Variants in TENM2 observed in about 807,000 individuals in gnomAD.
The protein encoded by TENM2 is teneurin-2.
In TENM2, 52 loss-of-function variants were observed where a neutral mutation model predicts 245.2. The ratio of observed to expected loss-of-function variants is 0.21; its 90% CI spans 0.17 to 0.27. TENM2 has a LOEUF of 0.27. Among genes scored for constraint, TENM2 ranks in the 10% least tolerant of loss-of-function variants. The pLI, the probability that TENM2 is intolerant of heterozygous loss-of-function variation, is 1.00. For synonymous variants in TENM2, 1,363 were observed against 1,438.9 expected (o/e 0.95, Z 1.19); for missense variants, 3,046 against 3,666.8 (o/e 0.83, Z 4.37).
At chr5:168,216,486 G>A (rs1037012244) in intron 21 of TENM2, among the ~76,000 whole-genome samples, 8 of 152,094 alleles carry the variant, frequency 5.3e-5, no homozygotes, top group Non-Finnish European at 1.0e-4. Context: ...ATTCATTTGC[G>A]GCCTTGGTTC....
chr5:167,708,020 C>T (rs945126433), intron 2 of TENM2, among the ~76,000 whole-genome samples: 2 of 152,174 alleles, frequency 1.3e-5, no homozygotes, highest in South Asian at 2.1e-4. Context: ...GCAGGGCTTA[C>T]CTCTTGCCTT....
At chr5:167,182,755 C>A in the TENM2 span, among the ~76,000 whole-genome samples, 1 of 152,036 alleles carries the variant, frequency 6.6e-6, no homozygotes, top group African/African-American at 2.4e-5. Flanking sequence ...GTGGTGATAC[C>A]AGATCCCACT....
the TENM2 span, among the ~76,000 whole-genome samples, chr5:167,201,993 G>C: frequency 6.6e-6 from 1 of 152,134 alleles, no homozygotes; most frequent in Non-Finnish European, 1.5e-5. Context: ...TGACTTTAGG[G>C]AAGGTAGTTG....
exon 13 of TENM2, chr5:168,162,635 G>A: frequency 1.2e-6 from 2 of 1,613,980 alleles, no homozygotes; most frequent in Non-Finnish European, 1.7e-6. Flanking sequence ...TTGTGCAACG[G>A]TAACGGGAGA....
chr5:167,035,321 G>GCTATT, the TENM2 span, among the ~76,000 whole-genome samples: 1 of 152,240 alleles, frequency 6.6e-6, no homozygotes, highest in Admixed American at 6.5e-5. Context: ...GCTATTAGAT[G>GCTATT]AGTGATCCTC....
At chr5:168,005,378 A>G (rs927253551) in intron 5 of TENM2, among the ~76,000 whole-genome samples, 10 of 152,238 alleles carry the variant, frequency 6.6e-5, no homozygotes, top group Admixed American at 1.3e-4. Context: ...ACGAAAGCCA[A>G]GTCTGAACTC....
intron 2 of TENM2, among the ~76,000 whole-genome samples, chr5:167,431,822 T>C (rs988953933): frequency 6.6e-6 from 1 of 151,100 alleles, no homozygotes; most frequent in Non-Finnish European, 1.5e-5. Flanking sequence ...CTATGTCATA[T>C]GAATAAAATA....
chr5:167,796,422 C>T (rs1765322650), intron 2 of TENM2, among the ~76,000 whole-genome samples: 1 of 152,124 alleles, frequency 6.6e-6, no homozygotes, highest in Non-Finnish European at 1.5e-5. Context: ...CGCTGTGGGT[C>T]TTTGCACATA....
At chr5:167,350,322 C>T (rs1758746955) in intron 1 of TENM2, among the ~76,000 whole-genome samples, 1 of 151,570 alleles carries the variant, frequency 6.6e-6, no homozygotes, top group Non-Finnish European at 1.5e-5. Flanking sequence ...TATACCTTTC[C>T]TATAAAACAC....
intron 2 of TENM2, among the ~76,000 whole-genome samples, chr5:167,683,229 T>C (rs538202769): frequency 8.2e-4 from 124 of 150,434 alleles, no homozygotes; most frequent in Non-Finnish European, 1.4e-3. Flanking sequence ...CTAATATCTC[T>C]GTGACATGAA....
the TENM2 span, among the ~76,000 whole-genome samples, chr5:167,181,055 A>C: frequency 6.6e-6 from 1 of 151,826 alleles, no homozygotes; most frequent in Non-Finnish European, 1.5e-5. Flanking sequence ...TCTCAATCCT[A>C]GTGTTTCTTT....
At chr5:167,425,497 A>G (rs1763759238) in intron 2 of TENM2, among the ~76,000 whole-genome samples, 3 of 152,190 alleles carry the variant, frequency 2.0e-5, no homozygotes, top group Non-Finnish European at 2.9e-5. Context: ...TTCAATTTCT[A>G]AATTTTAATC....
At chr5:168,229,736 C>CCAT (rs1764665322) in intron 25 of TENM2, 1 of 152,206 alleles carries the variant, frequency 6.6e-6, no homozygotes, top group Non-Finnish European at 1.5e-5. Context: ...CCAGGCCCCT[C>CCAT]CATATTAAGA....
At chr5:167,397,262 A>G (rs1471870825) in intron 2 of TENM2, among the ~76,000 whole-genome samples, 1 of 152,046 alleles carries the variant, frequency 6.6e-6, no homozygotes, top group African/African-American at 2.4e-5. Flanking sequence ...AAGGAAAGAG[A>G]AAGGAAAATA....
chr5:167,585,809 T>C (rs1314614278), intron 2 of TENM2, among the ~76,000 whole-genome samples: 1 of 152,104 alleles, frequency 6.6e-6, no homozygotes, highest in Non-Finnish European at 1.5e-5. Context: ...CAACCATAGA[T>C]TGACAATACT....
At chr5:167,782,392 T>C (rs1282922238) in intron 2 of TENM2, among the ~76,000 whole-genome samples, 2 of 151,210 alleles carry the variant, frequency 1.3e-5, no homozygotes, top group East Asian at 3.9e-4. Flanking sequence ...ATAGAGCTCA[T>C]TGTTCATCAA....
At chr5:167,427,464 AGGAAGGAAG>A (rs1178957734) in intron 2 of TENM2, among the ~76,000 whole-genome samples, 3 of 149,550 alleles carry the variant, frequency 2.0e-5, no homozygotes, top group South Asian at 4.6e-4. Context: ...AAAAAAAGAA[AGGAAGGAAG>A]GGAAGGAAGG....
chr5:167,742,122 A>G (rs1290299418), intron 2 of TENM2, among the ~76,000 whole-genome samples: 1 of 152,212 alleles, frequency 6.6e-6, no homozygotes, highest in African/African-American at 2.4e-5. Context: ...TAACTCTGTC[A>G]TAAGCCTAGA....
the TENM2 span, among the ~76,000 whole-genome samples, chr5:167,137,008 G>A: frequency 4.6e-5 from 7 of 152,304 alleles, no homozygotes; most frequent in South Asian, 4.1e-4. Context: ...TGGATTCCCC[G>A]TGAGGGCTTT....
Sources: gnomAD v4.1 joint callset for allele counts (sites outside exome capture counted in the v4.1 genomes callset) on GRCh38, gnomAD v4.1.1 for gene constraint, MANE v1.5 for transcripts, NCBI Gene and HGNC (gene_info 2026-07-23, HGNC 2026-07-21) for gene names.